C10orf53: variants seen among roughly 807,000 people sequenced by gnomAD.
C10orf53 encodes the protein chromosome 10 open reading frame 53.
C10orf53 carries 8 observed loss-of-function variants against 9.4 expected under a neutral mutation model. That is an observed-to-expected ratio of 0.85 (90% CI 0.50 to 1.53). The LOEUF (loss-of-function observed/expected upper bound fraction) is 1.53. Ranked by LOEUF, C10orf53 falls within the 40% of genes most tolerant of loss-of-function variation. The probability of loss-of-function intolerance (pLI) is 0.00; values close to 1 mark genes in which losing one functional copy is unlikely to be tolerated. For synonymous variants in C10orf53, 48 were observed against 46.0 expected, an observed-to-expected ratio of 1.04 and a Z score of -0.18; for missense variants, 117 against 117.8, an observed-to-expected ratio of 0.99 and a Z score of 0.03.
At chr10:49,686,645 C>A (rs987838116) in intron 1 of C10orf53, among the ~76,000 whole-genome samples, 1 of 152,116 alleles carries the variant, frequency 6.6e-6, no homozygotes, top group Non-Finnish European at 1.5e-5. Context: ...CTGTCTTATG[C>A]GGTTGAGATA....
intron 1 of C10orf53, among the ~76,000 whole-genome samples, chr10:49,681,353 C>G (rs1256456547): frequency 6.6e-6 from 1 of 152,178 alleles, no homozygotes; most frequent in East Asian, 1.9e-4. Flanking sequence ...TAAGAGTCTT[C>G]CAGGCAAAAT....
chr10:49,679,710 G>A lies in C10orf53; in HGVS notation c.13G>A (p.Ala5Thr), dbSNP rs1449142261. ...CGGAGGCCTGGCGATGCCCAAGAACGCAGTGGTCATCCTGCGCTATGGGCC... is the reference window on the plus strand; with the variant it reads ...CGGAGGCCTGGCGATGCCCAAGAACACAGTGGTCATCCTGCGCTATGGGCC... The part of the protein sequence containing the change: MPKN[A>T]VVILRYGPYS... Residue 5 changes from alanine to threonine, a missense_variant, in exon 1 of 3, where the codon GCA (alanine) becomes ACA (threonine). Transcript: ENST00000374111. The A allele has an allele frequency of 6.5e-7, 1 of 1,547,874 alleles. No homozygotes were observed. Among genetic ancestry groups the A allele is most frequent in the Non-Finnish European group, 8.7e-7 (1 of 1,145,780 alleles).
intron 1 of C10orf53, among the ~76,000 whole-genome samples, chr10:49,680,895 C>G (rs1368590513): frequency 6.6e-6 from 1 of 152,140 alleles, no homozygotes; most frequent in Non-Finnish European, 1.5e-5. Context: ...AAAGATGGAC[C>G]AAAATTTGGA....
exon 3 of C10orf53, chr10:49,708,613 A>G (rs1374149175): frequency 1.2e-6 from 2 of 1,614,056 alleles, no homozygotes; most frequent in South Asian, 2.2e-5. Context: ...ACTCAGCCCT[A>G]CTGAAATCGA....
intron 2 of C10orf53, among the ~76,000 whole-genome samples, chr10:49,704,138 T>C (rs2132891853): frequency 6.6e-6 from 1 of 152,248 alleles, no homozygotes; most frequent in Middle Eastern, 3.4e-3. Flanking sequence ...TTCCTAAACA[T>C]GACTTGAAAC....
chr10:49,694,024 T>C (rs1318150530), intron 2 of C10orf53, 131 bp downstream of exon 2: 3 of 1,314,664 alleles, frequency 2.3e-6, no homozygotes, highest in Non-Finnish European at 3.2e-6. Flanking sequence ...AAACTTGTAC[T>C]GAAAGCCCTG....
chr10:49,699,596 A>G (rs1380170721), downstream of C10orf53, among the ~76,000 whole-genome samples: 1 of 152,108 alleles, frequency 6.6e-6, no homozygotes, highest in African/African-American at 2.4e-5. Context: ...ATCAAGGAGC[A>G]TGGGATGCTC....
downstream of C10orf53, among the ~76,000 whole-genome samples, chr10:49,702,270 A>G (rs1356420550): frequency 1.3e-5 from 2 of 151,082 alleles, no homozygotes; most frequent in East Asian, 3.9e-4. Context: ...AGTGGTCAAA[A>G]CCAGTGGGAA....
In C10orf53 at chr10:49,696,282, T is replaced by C. The variant is rs1021902987; in HGVS notation, c.*1680T>C. Among the ~76,000 whole-genome samples, 1 of 152,228 alleles carries C rather than the reference T, an allele frequency of 6.6e-6. No individual in the cohort carries two copies. The highest frequency in any genetic ancestry group is 2.1e-4 in the South Asian group (1 of 4,830). The stretch of plus-strand genomic sequence containing the variant: ...ATTTGTTGACTGTCTGAGCATTTTA[T>C]CTTGAATCAGGAAATCTCTCCCTTG... On this transcript the variant is annotated 3_prime_UTR_variant, in exon 3 of 3. Coordinates refer to ENST00000374111, the MANE Select transcript of C10orf53 (RefSeq NM_001042427.3).
chr10:49,680,081 G>T (rs888265065), intron 1 of C10orf53, among the ~76,000 whole-genome samples: 1 of 152,238 alleles, frequency 6.6e-6, no homozygotes, highest in African/African-American at 2.4e-5. Context: ...GGAAACTGAG[G>T]ATCAAGAATA....
downstream of C10orf53, among the ~76,000 whole-genome samples, chr10:49,698,849 G>A (rs185061898): frequency 3.1e-4 from 47 of 152,262 alleles, 1 homozygote; most frequent in Middle Eastern, 6.8e-3. Context: ...TCCGAAGTCA[G>A]GCAGCAGCAG....
chr10:49,687,844 G>T (rs1171014394), intron 1 of C10orf53, among the ~76,000 whole-genome samples: 5 of 152,168 alleles, frequency 3.3e-5, no homozygotes, highest in African/African-American at 1.2e-4. Context: ...GCCAGTGAAG[G>T]TTCTTGAGCT....
chr10:49,708,019 C>T (rs1277339519), intron 2 of C10orf53, among the ~76,000 whole-genome samples: 1 of 152,122 alleles, frequency 6.6e-6, no homozygotes, highest in Non-Finnish European at 1.5e-5. Context: ...TTTCTGTACA[C>T]CACCCAAGTA....
downstream of C10orf53, among the ~76,000 whole-genome samples, chr10:49,700,020 A>C (rs970644301): frequency 1.3e-5 from 2 of 152,110 alleles, no homozygotes; most frequent in Admixed American, 1.3e-4. Flanking sequence ...TGTTTAGAGG[A>C]AGTTAAGAGC....
At chr10:49,687,332 TG>T (rs35209566) in intron 1 of C10orf53, among the ~76,000 whole-genome samples, 3 of 152,170 alleles carry the variant, frequency 2.0e-5, no homozygotes, top group South Asian at 2.1e-4. Context: ...TTATCAGTAT[TG>T]GGGGGGAAAC....
chr10:49,706,659 G>A (rs984114496), intron 2 of C10orf53, among the ~76,000 whole-genome samples: 1 of 152,086 alleles, frequency 6.6e-6, no homozygotes, highest in Non-Finnish European at 1.5e-5. Context: ...GTAGTGATGG[G>A]GTTGTACAAG....
intron 1 of C10orf53, among the ~76,000 whole-genome samples, chr10:49,690,673 T>C (rs1840574501): frequency 6.6e-6 from 1 of 152,208 alleles, no homozygotes; most frequent in Non-Finnish European, 1.5e-5. Flanking sequence ...ACTTGCCCCT[T>C]GCATGCTCTA....
intron 1 of C10orf53, among the ~76,000 whole-genome samples, chr10:49,691,747 GCC>G (rs1389156400): frequency 1.3e-5 from 2 of 152,204 alleles, no homozygotes; most frequent in African/African-American, 4.8e-5. Context: ...CAGTCAGCAG[GCC>G]CTGCAGGAGG....
At chr10:49,690,748 A>C (rs748816636) in intron 1 of C10orf53, among the ~76,000 whole-genome samples, 1 of 152,142 alleles carries the variant, frequency 6.6e-6, no homozygotes, top group Non-Finnish European at 1.5e-5. Flanking sequence ...CATAAAATAG[A>C]ATCCACCCCA....
Sources: allele counts gnomAD v4.1 joint callset (sites outside exome capture counted in the v4.1 genomes callset), GRCh38; gene constraint gnomAD v4.1.1; transcripts MANE v1.5; gene names NCBI Gene and HGNC (gene_info 2026-07-23, HGNC 2026-07-21).